The following SHANK2 variants were observed in gnomAD, a reference collection of about 807,000 sequenced individuals.
SHANK2 encodes SH3 and multiple ankyrin repeat domains protein 2.
SHANK2 carries 43 observed loss-of-function variants against 133.7 expected under a neutral mutation model. That is an observed-to-expected ratio of 0.32 (90% CI 0.25 to 0.41). SHANK2 has a LOEUF of 0.41. Ranked by LOEUF, SHANK2 falls within the 10% of genes least tolerant of loss-of-function variation. The probability of loss-of-function intolerance (pLI) is 1.00; values close to 1 mark genes in which losing one functional copy is unlikely to be tolerated. For synonymous variants in SHANK2, 1,017 were observed against 952.8 expected (o/e 1.07, Z -1.24); for missense variants, 1,994 against 2,235.8 (o/e 0.89, Z 2.18).
At chr11:71,077,435 G>A (rs1200323765) in intron 8 of SHANK2, among the ~76,000 whole-genome samples, 6 of 152,142 alleles carry the variant, frequency 3.9e-5, no homozygotes, top group African/African-American at 1.2e-4. Context: ...AAACGGAACC[G>A]CTGACTCCGG....
At chr11:70,621,503 A>G (rs1025937016) in intron 17 of SHANK2, among the ~76,000 whole-genome samples, 1 of 152,190 alleles carries the variant, frequency 6.6e-6, no homozygotes, top group Non-Finnish European at 1.5e-5. Context: ...GTGCCCCTAC[A>G]GCACCCTTGG....
chr11:70,860,964 G>A (rs1013812411), intron 11 of SHANK2, among the ~76,000 whole-genome samples: 1 of 152,204 alleles, frequency 6.6e-6, no homozygotes, highest in Non-Finnish European at 1.5e-5. Flanking sequence ...CATCTCAGGG[G>A]ATACTCTCTT....
At chr11:70,848,757 T>C (rs2135458668) in intron 11 of SHANK2, among the ~76,000 whole-genome samples, 1 of 152,298 alleles carries the variant, frequency 6.6e-6, no homozygotes, top group South Asian at 2.1e-4. Context: ...GGCAGGGATG[T>C]ACCACGTCCA....
At chr11:70,840,399 C>T (rs1217894320) in intron 11 of SHANK2, among the ~76,000 whole-genome samples, 1 of 152,162 alleles carries the variant, frequency 6.6e-6, no homozygotes, top group Non-Finnish European at 1.5e-5. Flanking sequence ...GCCTCAGTTT[C>T]CCCATATATC....
Position 70,487,701 on chromosome 11 carries a change from C to T in SHANK2, c.2592G>A (p.Arg864=), listed in dbSNP as rs144496207. 27 of 1,566,096 alleles carry T rather than the reference C, an allele frequency of 1.7e-5. No homozygotes were observed. In the African/African-American group the frequency reaches 3.4e-4, roughly 20 times the overall value. Reference sequence around the variant, plus strand: ...TCAGCATTGGAGGAGCCAGAAACTGCCGCTCTTCCTCTGTTATTCCTACAA... The same window carrying T: ...TCAGCATTGGAGGAGCCAGAAACTGTCGCTCTTCCTCTGTTATTCCTACAA... The part of the protein sequence containing the change: ...IFLSGITEEE[R]QFLAPPMLKF... The change falls in exon 25 of 26, where the codon CGG becomes CGA. Residue 864 remains arginine, a synonymous_variant. Coordinates refer to ENST00000601538, the MANE Select transcript of SHANK2 (RefSeq NM_012309.5). The surrounding 1 kb of genome is among the most constrained non-coding windows in gnomAD (Gnocchi z 5.8).
At chr11:70,921,755 A>T (rs1041795952) in intron 10 of SHANK2, among the ~76,000 whole-genome samples, 6 of 152,242 alleles carry the variant, frequency 3.9e-5, no homozygotes, top group Non-Finnish European at 8.8e-5. Flanking sequence ...TCAGTCTCTG[A>T]CTGCATCAAG....
intron 17 of SHANK2, among the ~76,000 whole-genome samples, chr11:70,513,164 T>G (rs1301569168): frequency 4.4e-5 from 6 of 135,464 alleles, no homozygotes; most frequent in Admixed American, 3.6e-4. Context: ...CAGTTTTTTG[T>G]TTTTTTTTTT....
rs186267519 is a variant in SHANK2, at chr11:70,951,544, C to T, written c.1108-54977G>A. Reference sequence around the variant, plus strand: ...CTGTGATGTCATAAATTCATTTCCCCTGGCTGCTGCGTGGTGACGTCATAA... The same window carrying T: ...CTGTGATGTCATAAATTCATTTCCCTTGGCTGCTGCGTGGTGACGTCATAA... On this transcript the variant is annotated intron_variant, in intron 10 of 25. Transcript: ENST00000601538. 8.7e-4 allele frequency among the ~76,000 whole-genome samples: 132 copies of T among 151,262 alleles called. 1 individual carries two copies. Among genetic ancestry groups the T allele is most frequent in the African/African-American group, 3.1e-3 (129 of 41,092 alleles).
At chr11:70,787,949 G>A (rs1555047045) in intron 14 of SHANK2, among the ~76,000 whole-genome samples, 1 of 152,174 alleles carries the variant, frequency 6.6e-6, no homozygotes, top group East Asian at 1.9e-4. Flanking sequence ...TTTACTCTGA[G>A]GATCACATGA....
At chr11:71,137,509 G>A (rs4945086) in intron 3 of SHANK2, among the ~76,000 whole-genome samples, 62,632 of 151,804 alleles carry the variant, frequency 0.41, 13,724 homozygotes, top group East Asian at 0.54. Context: ...ATGTGACCGT[G>A]GATGCTGTGT....
chr11:70,881,566 TAATAATATTA>T (rs1949660840), intron 11 of SHANK2, among the ~76,000 whole-genome samples: 3 of 116,960 alleles, frequency 2.6e-5, no homozygotes, highest in Non-Finnish European at 5.6e-5. Flanking sequence ...ATAATATTAA[TAATAATATTA>T]ATAATAATAA....
intron 6 of SHANK2, among the ~76,000 whole-genome samples, chr11:71,103,659 G>A (rs560613110): frequency 4.7e-4 from 71 of 152,294 alleles, no homozygotes; most frequent in African/African-American, 1.6e-3. Flanking sequence ...CAAATCTCAC[G>A]TGGAGATGTA....
At chr11:70,536,050 G>A (rs2059539293) in intron 17 of SHANK2, among the ~76,000 whole-genome samples, 1 of 152,192 alleles carries the variant, frequency 6.6e-6, no homozygotes, top group Non-Finnish European at 1.5e-5. Flanking sequence ...GCCAAGGCAC[G>A]TGGACACACC....
chr11:71,240,024 C>G (rs1954869140), intron 1 of SHANK2, among the ~76,000 whole-genome samples: 1 of 152,148 alleles, frequency 6.6e-6, no homozygotes, highest in South Asian at 2.1e-4. Context: ...CATGAATGTT[C>G]AATAGTAATA....
intron 15 of SHANK2, among the ~76,000 whole-genome samples, chr11:70,691,455 C>A (rs79970408): frequency 3.9e-5 from 6 of 152,102 alleles, no homozygotes; most frequent in Non-Finnish European, 7.4e-5. Context: ...GACCTGGTTC[C>A]GGCCACCATC....
intron 14 of SHANK2, among the ~76,000 whole-genome samples, chr11:70,716,396 C>T (rs1161934010): frequency 6.6e-6 from 1 of 152,154 alleles, no homozygotes; most frequent in Non-Finnish European, 1.5e-5. Context: ...TTTAAGGATG[C>T]CGGCAGCTGA....
chr11:70,489,896 G>A, intron 23 of SHANK2: 1 of 318,210 alleles, frequency 3.1e-6, no homozygotes, highest in South Asian at 3.3e-5. Flanking sequence ...GGTGGTGGCT[G>A]GGGAATGCAG....
chr11:71,079,842 G>GA (rs1951270468), intron 8 of SHANK2, among the ~76,000 whole-genome samples: 24 of 97,452 alleles, frequency 2.5e-4, no homozygotes, highest in African/African-American at 8.7e-4. Context: ...AAAGGGAGGG[G>GA]AAGGAAGGGG....
chr11:71,213,372 C>G (rs1555119139), intron 2 of SHANK2, among the ~76,000 whole-genome samples: 2 of 152,176 alleles, frequency 1.3e-5, no homozygotes, highest in Non-Finnish European at 1.5e-5. Flanking sequence ...TTTGCTCCAA[C>G]CTTTCACTAT....
Sources: gnomAD v4.1 joint callset for allele counts (sites outside exome capture counted in the v4.1 genomes callset) on GRCh38, gnomAD v4.1.1 for gene constraint, Gnocchi (gnomAD v3.1) non-coding constraint, MANE v1.5 for transcripts, NCBI Gene and HGNC (gene_info 2026-07-23, HGNC 2026-07-21) for gene names.